Variants in EYS observed in about 807,000 individuals in gnomAD.
EYS encodes the protein protein eyes shut homolog.
EYS carries 250 observed loss-of-function variants against 282.1 expected under a neutral mutation model. That is an observed-to-expected ratio of 0.89 (90% CI 0.80 to 0.98). The LOEUF is 0.98. Ranked by LOEUF, EYS falls within the 50% of genes least tolerant of loss-of-function variation. The pLI is 0.00. For synonymous variants in EYS, 1,355 were observed against 1,282.9 expected, an observed-to-expected ratio of 1.06 and a Z score of -1.20; for missense variants, 4,016 against 3,709.0, an observed-to-expected ratio of 1.08 and a Z score of -2.15.
At chr6:63,812,346 G>A (rs1198595963) in intron 36 of EYS, among the ~76,000 whole-genome samples, 2 of 151,906 alleles carry the variant, frequency 1.3e-5, no homozygotes, top group Non-Finnish European at 2.9e-5. Context: ...TTCAAGACTC[G>A]CTCAGGTGTT....
intron 29 of EYS, among the ~76,000 whole-genome samples, chr6:64,380,482 A>G (rs1294492811): frequency 2.0e-5 from 3 of 152,190 alleles, no homozygotes; most frequent in African/African-American, 7.2e-5. Context: ...TTAGTAAAAT[A>G]TTACTATTTT....
chr6:64,679,485 T>G (rs1284022561), intron 22 of EYS, among the ~76,000 whole-genome samples: 2 of 152,190 alleles, frequency 1.3e-5, no homozygotes, highest in African/African-American at 4.8e-5. Context: ...TATATAATAC[T>G]GCTGGGAAAA....
At chr6:64,523,692 A>G (rs372071746) in intron 26 of EYS, among the ~76,000 whole-genome samples, 2 of 151,696 alleles carry the variant, frequency 1.3e-5, no homozygotes, top group Non-Finnish European at 1.5e-5. Context: ...AAAGAAAGAA[A>G]GGACTCAGGA....
intron 29 of EYS, among the ~76,000 whole-genome samples, chr6:64,384,400 A>C (rs916202059): frequency 6.6e-6 from 1 of 152,222 alleles, no homozygotes; most frequent in East Asian, 1.9e-4. Context: ...ATAATAGTAC[A>C]TGCAATCACA....
At chr6:64,367,926 C>T (rs1269783769) in intron 29 of EYS, among the ~76,000 whole-genome samples, 1 of 152,106 alleles carries the variant, frequency 6.6e-6, no homozygotes, top group East Asian at 1.9e-4. Flanking sequence ...CACAAGGAGC[C>T]TGACATCTTC....
intron 36 of EYS, among the ~76,000 whole-genome samples, chr6:63,826,321 G>A (rs150613979): frequency 2.6e-4 from 39 of 152,134 alleles, no homozygotes; most frequent in African/African-American, 9.4e-4. Context: ...GTATTTGGGG[G>A]GATAATTGAG....
intron 26 of EYS, among the ~76,000 whole-genome samples, chr6:64,508,618 A>T (rs1777288171): frequency 1.3e-5 from 2 of 149,202 alleles, no homozygotes; most frequent in African/African-American, 4.9e-5. Context: ...TGCCTGTTGC[A>T]TTTGTTATCT....
At chr6:65,239,060 T>G (rs1766994246) in intron 12 of EYS, among the ~76,000 whole-genome samples, 1 of 152,034 alleles carries the variant, frequency 6.6e-6, no homozygotes, top group Non-Finnish European at 1.5e-5. Flanking sequence ...GCTAAAATAT[T>G]TTGTCAGGTA....
Position 65,097,294 on chromosome 6 carries a change from G to A in EYS, c.2024-39567C>T, listed in dbSNP as rs371398351. ...GAAATGGAAATCAAAACCACTATGA[G>A]TAATTAATCGACAGCTGTTAGGATG... On this transcript the variant is annotated intron_variant, in intron 12 of 42. Transcript: ENST00000503581. Among the ~76,000 whole-genome samples the A allele has an allele frequency of 4.6e-5, 7 of 150,868 alleles. No homozygotes were observed. The South Asian group carries it at 8.3e-4, about 18-fold the overall frequency.
chr6:65,338,536 C>T (rs1770078748), intron 10 of EYS, among the ~76,000 whole-genome samples: 1 of 150,996 alleles, frequency 6.6e-6, no homozygotes. Flanking sequence ...ACCCTAACTC[C>T]TGTATTTCAC....
intron 31 of EYS, among the ~76,000 whole-genome samples, chr6:64,098,623 C>A (rs3003696): frequency 6.9e-6 from 1 of 144,538 alleles, no homozygotes; most frequent in African/African-American, 2.6e-5. Context: ...TTTTTTGAGA[C>A]GGAGTCTTGC....
chr6:65,332,509 A>T, intron 11 of EYS: 2 of 1,081,738 alleles, frequency 1.8e-6, no homozygotes, highest in Non-Finnish European at 2.7e-6. Context: ...TTCAGAGTAT[A>T]TACAATTTTC....
intron 29 of EYS, among the ~76,000 whole-genome samples, chr6:64,331,152 C>T (rs1003122405): frequency 3.3e-5 from 5 of 152,140 alleles, no homozygotes; most frequent in Non-Finnish European, 5.9e-5. Context: ...TAGAACGTTG[C>T]TCTTGGCCAA....
chr6:65,577,290 G>C (rs1361344906), intron 2 of EYS, among the ~76,000 whole-genome samples: 1 of 151,778 alleles, frequency 6.6e-6, no homozygotes, highest in Non-Finnish European at 1.5e-5. Context: ...TGCATTTATG[G>C]TAAATTTATT....
At chr6:63,916,782 C>T (rs987189763) in intron 35 of EYS, among the ~76,000 whole-genome samples, 6 of 152,126 alleles carry the variant, frequency 3.9e-5, no homozygotes, top group African/African-American at 9.7e-5. Flanking sequence ...TTGTAGCATA[C>T]GTTATATTTA....
At chr6:64,863,484 A>T (rs9351454) in intron 19 of EYS, among the ~76,000 whole-genome samples, 23,621 of 152,128 alleles carry the variant, frequency 0.16, 2,159 homozygotes, top group East Asian at 0.49. Flanking sequence ...TTTTAAAAAA[A>T]TTTATGCTGA....
chr6:64,563,752 TCAAA>T (rs955498327), intron 26 of EYS, among the ~76,000 whole-genome samples: 17 of 152,090 alleles, frequency 1.1e-4, no homozygotes, highest in African/African-American at 3.4e-4. Flanking sequence ...CATAGACTAA[TCAAA>T]CAGTCACAAG....
At chr6:64,295,320 C>T (rs1768884964) in intron 30 of EYS, among the ~76,000 whole-genome samples, 1 of 17,558 alleles carries the variant, frequency 5.7e-5, no homozygotes. Flanking sequence ...TACCCTAAAA[C>T]GAAGAAGAAG....
At chr6:64,035,715 A>G (rs1427734662) in intron 33 of EYS, among the ~76,000 whole-genome samples, 3 of 152,216 alleles carry the variant, frequency 2.0e-5, no homozygotes, top group Non-Finnish European at 1.5e-5. Context: ...TTCTTATTGC[A>G]TAATAATTGT....
Sources: gnomAD v4.1 joint callset for allele counts (sites outside exome capture counted in the v4.1 genomes callset) on GRCh38, gnomAD v4.1.1 for gene constraint, MANE v1.5 for transcripts, NCBI Gene and HGNC (gene_info 2026-07-23, HGNC 2026-07-21) for gene names.